MSN: variants seen among roughly 807,000 people sequenced by gnomAD.
MSN encodes the protein moesin, also known as epididymis luminal protein 70.
In MSN, 2 loss-of-function variants were observed where a neutral mutation model predicts 48.0. That is an observed-to-expected ratio of 0.04 (90% CI 0.02 to 0.13). MSN has a LOEUF of 0.13. Among genes scored for constraint, MSN ranks in the 10% least tolerant of loss-of-function variants. MSN has a pLI of 1.00. For synonymous variants in MSN, 146 were observed against 166.9 expected (o/e 0.87, Z 0.97); for missense variants, 267 against 470.1 (o/e 0.57, Z 3.99).
chrX:65,649,187 C>A (rs1304798824), intron 1 of MSN, among the ~76,000 whole-genome samples: 1 of 106,966 alleles, frequency 9.3e-6, no homozygotes, highest in Non-Finnish European at 1.9e-5. Flanking sequence ...CAACATGGGT[C>A]CAATGTGTAC....
intron 1 of MSN, among the ~76,000 whole-genome samples, chrX:65,619,796 G>A (rs1166008170): frequency 1.8e-5 from 2 of 109,008 alleles, no homozygotes; most frequent in Non-Finnish European, 3.8e-5. Context: ...GCTTTTTAGA[G>A]TTTCCAGTTC....
At chrX:65,704,109 C>A (rs1011395382) in intron 1 of MSN, among the ~76,000 whole-genome samples, 1 of 111,255 alleles carries the variant, frequency 9.0e-6, no homozygotes, top group Non-Finnish European at 1.9e-5. Flanking sequence ...ATTCAGGCAG[C>A]CAAAAATGGT....
At chrX:65,727,753 C>A in intron 2 of MSN, 61 bp from the exon 3 acceptor site, 1 of 981,422 alleles carries the variant, frequency 1.0e-6, no homozygotes, top group Non-Finnish European at 1.4e-6. Flanking sequence ...TTTGTGTCCT[C>A]TGTGCCTCAC....
chrX:65,734,189 A>G (rs2071652476), intron 7 of MSN, among the ~76,000 whole-genome samples: 1 of 111,888 alleles, frequency 8.9e-6, no homozygotes, highest in Admixed American at 9.5e-5. Flanking sequence ...GATTGTGGGT[A>G]GGTTAGGAAA....
intron 1 of MSN, among the ~76,000 whole-genome samples, chrX:65,612,945 G>A (rs939375457): frequency 1.8e-5 from 2 of 108,580 alleles, no homozygotes; most frequent in African/African-American, 3.4e-5. Context: ...GGTTTGTTAC[G>A]TAGATATACA....
At chrX:65,653,133 G>A (rs2070754226) in intron 1 of MSN, among the ~76,000 whole-genome samples, 1 of 111,624 alleles carries the variant, frequency 9.0e-6, no homozygotes, top group Non-Finnish European at 1.9e-5. Context: ...CTGGGGAGTT[G>A]GGAGTGGTGT....
chrX:65,694,075 C>CAA (rs746792238), intron 1 of MSN, among the ~76,000 whole-genome samples: 1 of 87,579 alleles, frequency 1.1e-5, no homozygotes. Context: ...AAACAAAAAA[C>CAA]AAAAAAAAAA....
chrX:65,659,264 C>T (rs1293207855), intron 1 of MSN, among the ~76,000 whole-genome samples: 1 of 111,245 alleles, frequency 9.0e-6, no homozygotes, highest in Non-Finnish European at 1.9e-5. Context: ...AGCAATCCTC[C>T]TGCCTCAGCC....
chrX:65,725,736 T>C (rs1167867848), intron 2 of MSN, among the ~76,000 whole-genome samples: 6 of 112,106 alleles, frequency 5.4e-5, no homozygotes, highest in Non-Finnish European at 1.1e-4. Flanking sequence ...GGCCATTGAA[T>C]TCTGGAAGCC....
intron 1 of MSN, among the ~76,000 whole-genome samples, chrX:65,650,614 G>A (rs1008144231): frequency 3.6e-5 from 4 of 112,030 alleles, no homozygotes; most frequent in Non-Finnish European, 7.5e-5. Context: ...CTCTGTGCTG[G>A]GTGCTACAAT....
chrX:65,693,206 A>G (rs1392349171), intron 1 of MSN, among the ~76,000 whole-genome samples: 1 of 111,645 alleles, frequency 9.0e-6, no homozygotes, highest in Admixed American at 9.5e-5. Flanking sequence ...CCATGTATAC[A>G]TGGGGTCTGT....
intron 2 of MSN, among the ~76,000 whole-genome samples, chrX:65,718,700 C>G (rs1221267741): frequency 1.8e-5 from 2 of 109,236 alleles, no homozygotes; most frequent in African/African-American, 6.7e-5. Context: ...CACCTATAGT[C>G]CCAGCTACTC....
chrX:65,695,716 C>G (rs2071229856), intron 1 of MSN, among the ~76,000 whole-genome samples: 1 of 110,068 alleles, frequency 9.1e-6, no homozygotes, highest in Non-Finnish European at 1.9e-5. Flanking sequence ...CTGGCTTTGT[C>G]TTCAGGGATT....
intron 1 of MSN, among the ~76,000 whole-genome samples, chrX:65,661,788 G>A (rs2070825929): frequency 8.9e-6 from 1 of 112,059 alleles, no homozygotes; most frequent in Non-Finnish European, 1.9e-5. Flanking sequence ...GGAAAGTTGA[G>A]GTAGGCAGAT....
At chrX:65,641,549 AGTATATATATATATATATATATATATAT>A (rs1380863738) in intron 1 of MSN, among the ~76,000 whole-genome samples, 585 of 32,560 alleles carry the variant, frequency 0.018, 19 homozygotes, top group African/African-American at 0.061. Flanking sequence ...AAAAAAGTGA[AGTATATATATATATATATATATATATAT>A]ATATATATAT....
intron 1 of MSN, among the ~76,000 whole-genome samples, chrX:65,655,423 T>C (rs1417995548): frequency 1.8e-5 from 2 of 112,305 alleles, no homozygotes; most frequent in African/African-American, 6.5e-5. Context: ...GCTCTGTTTT[T>C]ATTTGAGGGC....
chrX:65,601,225 G>A (rs759979147), intron 1 of MSN, among the ~76,000 whole-genome samples: 12 of 111,595 alleles, frequency 1.1e-4, no homozygotes, highest in Non-Finnish European at 2.3e-4. Flanking sequence ...ACCCCTCTGG[G>A]CCTCAGTGCT....
chrX:65,707,742 T>C (rs937390866), intron 1 of MSN, among the ~76,000 whole-genome samples: 1 of 112,188 alleles, frequency 8.9e-6, no homozygotes. Flanking sequence ...CTACTAAGGG[T>C]GAGCATCCAG....
chrX:65,647,612 T>C (rs1211014410), intron 1 of MSN, among the ~76,000 whole-genome samples: 1 of 112,444 alleles, frequency 8.9e-6, no homozygotes, highest in Non-Finnish European at 1.9e-5. Flanking sequence ...AAGGATTGAA[T>C]TGGTGTTAAC....
Sources: gnomAD v4.1 joint callset for allele counts (sites outside exome capture counted in the v4.1 genomes callset) on GRCh38, gnomAD v4.1.1 for gene constraint, MANE v1.5 for transcripts, NCBI Gene and HGNC (gene_info 2026-07-23, HGNC 2026-07-21) for gene names.